BRSK2: variants seen among roughly 807,000 people sequenced by gnomAD.
BRSK2 encodes the protein BR serine/threonine kinase 2.
A neutral mutation model predicts 83.3 loss-of-function variants in BRSK2; 19 were observed. The ratio of observed to expected loss-of-function variants is 0.23; its 90% CI spans 0.16 to 0.33. BRSK2 has a LOEUF of 0.33. Among genes scored for constraint, BRSK2 ranks in the 10% least tolerant of loss-of-function variants. BRSK2 has a pLI of 1.00. For missense variants in BRSK2, 798 were observed against 1,042.3 expected, an observed-to-expected ratio of 0.77 and a Z score of 3.23; for synonymous variants, 519 against 435.4, an observed-to-expected ratio of 1.19 and a Z score of -2.39.
intron 1 of BRSK2, among the ~76,000 whole-genome samples, chr11:1,422,183 G>T (rs1848697315): frequency 6.6e-6 from 1 of 152,176 alleles, no homozygotes; most frequent in African/African-American, 2.4e-5. Context: ...GCATGCAGGT[G>T]GATGATCAGG....
intron 15 of BRSK2, among the ~76,000 whole-genome samples, chr11:1,451,771 G>A (rs1487708064): frequency 6.6e-6 from 1 of 152,196 alleles, no homozygotes; most frequent in African/African-American, 2.4e-5. Flanking sequence ...AGCAGCCCGT[G>A]TTAAGAACAA....
chr11:1,445,954 T>G (rs1564858511), intron 12 of BRSK2, 47 bp downstream of exon 12: 1 of 1,551,098 alleles, frequency 6.4e-7, no homozygotes, highest in East Asian at 2.3e-5. Flanking sequence ...GGGCCCTGGC[T>G]GCGCGGCACT....
intron 1 of BRSK2, among the ~76,000 whole-genome samples, chr11:1,398,493 G>A (rs1198113384): frequency 6.6e-6 from 1 of 152,166 alleles, no homozygotes; most frequent in African/African-American, 2.4e-5. Flanking sequence ...GGATACAGGG[G>A]GTGGAGAGGC....
chr11:1,427,166 C>T (rs978065591), intron 1 of BRSK2, among the ~76,000 whole-genome samples: 20 of 152,104 alleles, frequency 1.3e-4, no homozygotes, highest in Admixed American at 9.2e-4. Context: ...GGGGGCAGGG[C>T]GCTGCCGGCA....
intron 13 of BRSK2, 61 bp downstream of exon 13, chr11:1,449,897 G>T (rs1244537221): frequency 2.8e-5 from 38 of 1,357,968 alleles, no homozygotes; most frequent in Non-Finnish European, 4.0e-5. Context: ...CTCCCAGTCA[G>T]CGTGTGCCAG....
At chr11:1,426,891 G>A (rs919420922) in intron 1 of BRSK2, among the ~76,000 whole-genome samples, 6 of 152,092 alleles carry the variant, frequency 3.9e-5, no homozygotes, top group African/African-American at 7.2e-5. Flanking sequence ...GGACCACTCC[G>A]CCTGGTGGGA....
At chr11:1,440,105 C>T (rs180804526) in intron 3 of BRSK2, among the ~76,000 whole-genome samples, 13 of 152,326 alleles carry the variant, frequency 8.5e-5, no homozygotes, top group East Asian at 1.9e-4. Flanking sequence ...AGGCCTCCCC[C>T]CCGAGCTGGT....
At chr11:1,435,206 A>AGAGGAGGGGTGCCGGTGGGGGTCTCGGCG (rs1850122591) in intron 1 of BRSK2, among the ~76,000 whole-genome samples, 2 of 127,192 alleles carry the variant, frequency 1.6e-5, no homozygotes, top group Admixed American at 8.3e-5. Flanking sequence ...GCATCTCAGC[A>AGAGGAGGGGTGCCGGTGGGGGTCTCGGCG]GAGGAGGGGT....
intron 12 of BRSK2, among the ~76,000 whole-genome samples, chr11:1,449,093 G>A (rs1347147484): frequency 6.6e-6 from 1 of 152,242 alleles, no homozygotes; most frequent in East Asian, 1.9e-4. Context: ...GTGGAACGAC[G>A]CACAGCCGTC....
chr11:1,459,792 C>T (rs988162480), intron 19 of BRSK2, among the ~76,000 whole-genome samples: 3 of 152,216 alleles, frequency 2.0e-5, no homozygotes, highest in African/African-American at 7.2e-5. Context: ...ACTCTAGCTG[C>T]TTGCCCCCAG....
chr11:1,420,762 G>T (rs1005676867), intron 1 of BRSK2, among the ~76,000 whole-genome samples: 2 of 152,242 alleles, frequency 1.3e-5, no homozygotes, highest in Admixed American at 1.3e-4. Context: ...CTGCCTGGGG[G>T]ACTCCTCTGG....
In BRSK2 at chr11:1,442,730, C is replaced by A. The variant is rs543037786; in HGVS notation, c.530+124C>A. On this transcript the variant is annotated intron_variant, in intron 5 of 19. Coordinates refer to ENST00000528841, the MANE Select transcript of BRSK2 (RefSeq NM_001256627.2). Reference sequence around the variant, plus strand: ...CGGCACCCCACAGGCAGGCCCCCCACAATGTGCCTGAGCCTCCCAGTACCC... The same window carrying A: ...CGGCACCCCACAGGCAGGCCCCCCAAAATGTGCCTGAGCCTCCCAGTACCC... 7.6e-5 allele frequency: 59 copies of A among 781,242 alleles called. No homozygotes were observed. The African/African-American group carries it at 9.1e-4, about 12-fold the overall frequency. 48.4% of individuals were successfully genotyped at this position (781,242 alleles called of 1,614,324 possible). A position where few individuals can be genotyped will look rare whatever the true frequency, so the allele number is the denominator to read the frequency against.
At chr11:1,435,924 G>A (rs773955261) in intron 1 of BRSK2, 116 bp from the exon 2 acceptor site, 31 of 704,756 alleles carry the variant, frequency 4.4e-5, no homozygotes, top group Admixed American at 1.2e-4. Context: ...GCCCTGGAGC[G>A]GGTGGGACCC....
chr11:1,451,776 GAACA>G (rs754307535), intron 15 of BRSK2, among the ~76,000 whole-genome samples: 48 of 152,302 alleles, frequency 3.2e-4, no homozygotes, highest in Non-Finnish European at 5.3e-4. Context: ...CCCGTGTTAA[GAACA>G]AAGGGGCAGC....
chr11:1,460,472 TTTTTTTG>T, intron 19 of BRSK2, 21 bp from the exon 20 acceptor site: 1 of 1,291,384 alleles, frequency 7.7e-7, no homozygotes, highest in Non-Finnish European at 9.8e-7. Context: ...TTTTTTTTTT[TTTTTTTG>T]TCTCTGTTCT....
At chr11:1,393,945 T>C (rs61867614) in intron 1 of BRSK2, among the ~76,000 whole-genome samples, 277 of 81,296 alleles carry the variant, frequency 3.4e-3, no homozygotes, top group South Asian at 7.0e-3. Context: ...TGGAGATGGG[T>C]CCTGGAGATG....
intron 14 of BRSK2, 43 bp from the exon 15 acceptor site, chr11:1,451,312 GGCAGGGGAAGGATGGA>G: frequency 6.2e-7 from 1 of 1,601,122 alleles, no homozygotes; most frequent in Non-Finnish European, 8.6e-7. Flanking sequence ...AGGTGGCCAG[GGCAGGGGAAGGATGGA>G]GCGGTCACCA....
chr11:1,428,581 T>C (rs1411631400), intron 1 of BRSK2, among the ~76,000 whole-genome samples: 2 of 152,178 alleles, frequency 1.3e-5, no homozygotes, highest in African/African-American at 4.8e-5. Context: ...CCCAGCAGTG[T>C]CCTTTCAATA....
chr11:1,454,610 TGAGGCCACAGGGCGCTGGGG>T lies in BRSK2; in HGVS notation c.1668+8_1668+27del. The T allele has an allele frequency of 6.2e-7, 1 of 1,612,656 alleles. No homozygotes were observed. The highest frequency in any genetic ancestry group is 8.5e-7 in the Non-Finnish European group (1 of 1,179,838). ...GACATCGTGCACGCCTTCCTGTCGG[TGAGGCCACAGGGCGCTGGGG>T]GAGGCGGGCAGCCCTCCCAACCCCA... is the stretch of plus-strand genomic sequence containing the variant. On this transcript the variant is annotated splice_donor_5th_base_variant and intron_variant, in intron 16 of 19. Transcript: ENST00000528841. The surrounding 1 kb of genome is among the most constrained non-coding windows in gnomAD (Gnocchi z 5.2).
Sources: gnomAD v4.1 joint callset for allele counts (sites outside exome capture counted in the v4.1 genomes callset) on GRCh38, gnomAD v4.1.1 for gene constraint, Gnocchi (gnomAD v3.1) non-coding constraint, MANE v1.5 for transcripts, NCBI Gene and HGNC (gene_info 2026-07-23, HGNC 2026-07-21) for gene names.